The following ZNF343 variants were observed in gnomAD, a reference collection of about 807,000 sequenced individuals.
The protein encoded by ZNF343 is zinc finger protein 343.
A neutral mutation model predicts 13.8 loss-of-function variants in ZNF343; 11 were observed. The ratio of observed to expected loss-of-function variants is 0.80; its 90% CI spans 0.50 to 1.32. ZNF343 has a LOEUF of 1.32. Ranked by LOEUF, ZNF343 falls within the 40% of genes most tolerant of loss-of-function variation. ZNF343 has a pLI of 0.00. For synonymous variants in ZNF343, 248 were observed against 260.0 expected (o/e 0.95, Z 0.44); for missense variants, 658 against 714.2 (o/e 0.92, Z 0.90).
chr20:2,502,859 T>C (rs1234975395), intron 1 of ZNF343, among the ~76,000 whole-genome samples: 2 of 152,160 alleles, frequency 1.3e-5, no homozygotes, highest in Admixed American at 6.5e-5. Flanking sequence ...CTCAAAAACA[T>C]GCCAAATTGT....
intron 2 of ZNF343, among the ~76,000 whole-genome samples, chr20:2,494,880 A>C (rs2085432314): frequency 6.6e-6 from 1 of 152,182 alleles, no homozygotes; most frequent in African/African-American, 2.4e-5. Context: ...TACTCTGAAG[A>C]GATAACCTCC....
Position 2,492,806 on chromosome 20 carries a change from T to A in ZNF343, c.197A>T (p.Asp66Val), listed in dbSNP as rs765897994. 4 of 1,613,512 alleles carry A rather than the reference T, an allele frequency of 2.5e-6. No individual in the cohort carries two copies. In the East Asian group the frequency reaches 8.9e-5, roughly 36 times the overall value. Residue 66 changes from aspartate to valine, a missense_variant, in exon 5 of 6, where the codon GAT (aspartate) becomes GTT (valine). Coordinates refer to ENST00000278772, the MANE Select transcript of ZNF343 (RefSeq NM_024325.6). ...AQIVVPVTFR[D>V]VTVIFTEAEW... Reference sequence around the variant, plus strand: ...TGCTTCTGTGAAGATCACAGTCACATCCCTGAATGTAACTGGTACCTACAA... The same window carrying A: ...TGCTTCTGTGAAGATCACAGTCACAACCCTGAATGTAACTGGTACCTACAA...
rs144562998 is a variant in ZNF343 at position 2,518,652 on chromosome 20, C to T, written c.-347+5803G>A. ...CCAACATACCACATGCTCTCAGCCC[C>T]GTGTCCACTTCCCTACACCACTTGC... On this transcript the variant is annotated intron_variant, in intron 1 of 6. Coordinates refer to the ZNF343 transcript ENST00000358413. The surrounding 1 kb of genome is among the most constrained non-coding windows in gnomAD (Gnocchi z 4.6). 0.016 allele frequency among the ~76,000 whole-genome samples: 2,416 copies of T among 152,172 alleles called. 27 individuals carry two copies. The highest frequency in any genetic ancestry group is 0.026 in the Non-Finnish European group (1,787 of 68,002).
intron 1 of ZNF343, among the ~76,000 whole-genome samples, chr20:2,505,580 G>T (rs2085642849): frequency 1.3e-5 from 2 of 152,140 alleles, no homozygotes; most frequent in Admixed American, 1.3e-4. Context: ...CATGGTACTG[G>T]TACCAAAACA....
chr20:2,494,218 TA>T (rs2085420445), intron 2 of ZNF343, among the ~76,000 whole-genome samples, 174 bp from the exon 3 acceptor site: 1 of 152,056 alleles, frequency 6.6e-6, no homozygotes, highest in South Asian at 2.1e-4. Context: ...CCTTCATTTC[TA>T]GGCCCTCCTG....
At chr20:2,523,330 C>T (rs1191174559) in intron 1 of ZNF343, among the ~76,000 whole-genome samples, 2 of 152,186 alleles carry the variant, frequency 1.3e-5, no homozygotes, top group African/African-American at 4.8e-5. Context: ...CAAGAAATAA[C>T]TATAAGTATA....
intron 1 of ZNF343, among the ~76,000 whole-genome samples, chr20:2,521,455 C>A (rs1314644688): frequency 6.6e-6 from 1 of 152,112 alleles, no homozygotes; most frequent in East Asian, 1.9e-4. Context: ...GTAGAGATAG[C>A]CTGTGGAGCC....
At chr20:2,509,242 C>G (rs532900460), upstream of ZNF343, 2 of 152,232 alleles carry the variant, frequency 1.3e-5, no homozygotes, top group Non-Finnish European at 2.9e-5. Context: ...CGCTGTCTGT[C>G]AGGCGTGTGT....
intron 1 of ZNF343, among the ~76,000 whole-genome samples, chr20:2,515,933 G>T (rs1341444761): frequency 1.3e-5 from 2 of 152,088 alleles, no homozygotes; most frequent in Non-Finnish European, 2.9e-5. Context: ...CAGCGGCTGT[G>T]AAAGGAGGAG....
rs2085221016 is a variant in ZNF343 at position 2,483,670 on chromosome 20, G to A, written c.1291C>T (p.His431Tyr). The A allele has an allele frequency of 6.2e-7, 1 of 1,610,738 alleles. No homozygotes were observed. Among genetic ancestry groups the A allele is most frequent in the Non-Finnish European group, 8.5e-7 (1 of 1,178,548 alleles). The stretch of plus-strand genomic sequence containing the variant: ...CAAACATAAGGCTTCTCATCCAAGT[G>A]TGTCCTCTGGTGTTTGATGAGATCT... ...NSDLIKHQRT[H>Y]LDEKPYVCRE... Residue 431 changes from histidine to tyrosine, a missense_variant, in exon 6 of 6, where the codon CAC becomes TAC. His to Tyr is a moderately conservative substitution (Grantham distance 83, BLOSUM62 2). Transcript: ENST00000278772.
intron 1 of ZNF343, among the ~76,000 whole-genome samples, chr20:2,507,264 CAAAA>C (rs775388577): frequency 1.7e-5 from 1 of 57,808 alleles, no homozygotes; most frequent in Non-Finnish European, 3.7e-5. Context: ...AACTGTGTCT[CAAAA>C]AAAAAAAAAA....
At chr20:2,514,458 G>C (rs1045750742) in intron 1 of ZNF343, among the ~76,000 whole-genome samples, 2 of 152,118 alleles carry the variant, frequency 1.3e-5, no homozygotes. Flanking sequence ...AAAGATCTTA[G>C]AATTTCTCTT....
rs892987167 is a variant in ZNF343, at chr20:2,498,304, C to T, written c.-150+2352G>A. 2.0e-5 allele frequency among the ~76,000 whole-genome samples: 3 copies of T among 152,228 alleles called. No homozygotes were observed. In the South Asian group the frequency reaches 6.2e-4, roughly 32 times the overall value. On this transcript the variant is annotated intron_variant, in intron 2 of 5. Transcript: ENST00000278772. The stretch of plus-strand genomic sequence containing the variant: ...CCAGGAGACGGAGGTTGCGGTGAGC[C>T]GAGATAGTGCCATTGCACTCCAGCC...
intron 1 of ZNF343, among the ~76,000 whole-genome samples, chr20:2,514,803 G>T (rs1027453092): frequency 5.9e-5 from 9 of 151,986 alleles, no homozygotes; most frequent in Admixed American, 2.0e-4. Context: ...CTAATATGGC[G>T]AAACCCCATC....
upstream of ZNF343, among the ~76,000 whole-genome samples, chr20:2,511,333 C>T (rs1300645520): frequency 6.6e-6 from 1 of 152,094 alleles, no homozygotes; most frequent in Non-Finnish European, 1.5e-5. Context: ...TGATCTTAAA[C>T]TCCTAGGCTC....
Position 2,499,247 on chromosome 20 carries a change from C to T in ZNF343, c.-150+1409G>A, listed in dbSNP as rs1192395668. Among the ~76,000 whole-genome samples, 8 of 146,146 alleles carry T rather than the reference C, an allele frequency of 5.5e-5. No homozygotes were observed. The South Asian group carries it at 1.0e-3, about 19-fold the overall frequency. On this transcript the variant is annotated intron_variant, in intron 2 of 5. Coordinates refer to ENST00000278772, the MANE Select transcript of ZNF343 (RefSeq NM_024325.6). ...TTGGGAGGCCGAGGTGGGCGGATCA[C>T]GAGGTCAGGAGATCGAGACCATCCC...
intron 1 of ZNF343, among the ~76,000 whole-genome samples, chr20:2,516,842 C>T (rs1379683715): frequency 6.6e-6 from 1 of 151,716 alleles, no homozygotes; most frequent in Non-Finnish European, 1.5e-5. Context: ...AGGCTCAAGG[C>T]CAGAAAGTGT....
intron 1 of ZNF343, among the ~76,000 whole-genome samples, chr20:2,519,006 C>T (rs920609956): frequency 5.3e-5 from 8 of 152,194 alleles, no homozygotes; most frequent in Admixed American, 2.0e-4. Flanking sequence ...GCTTCCCCTT[C>T]ACCTTCCACC....
chr20:2,522,504 A>G (rs903411107), intron 1 of ZNF343, among the ~76,000 whole-genome samples: 1 of 152,222 alleles, frequency 6.6e-6, no homozygotes, highest in Admixed American at 6.5e-5. Context: ...GTTGGAGATA[A>G]GTCTTTCTGA....
Sources: allele counts gnomAD v4.1 joint callset (sites outside exome capture counted in the v4.1 genomes callset), GRCh38; gene constraint gnomAD v4.1.1; non-coding constraint Gnocchi (gnomAD v3.1); transcripts MANE v1.5; gene names NCBI Gene and HGNC (gene_info 2026-07-23, HGNC 2026-07-21).